EIF4G2: variants seen among roughly 807,000 people sequenced by gnomAD.
EIF4G2 encodes eukaryotic translation initiation factor 4 gamma 2, also known as DAP-5.
In EIF4G2, 8 loss-of-function variants were observed where a neutral mutation model predicts 117.7. The ratio of observed to expected loss-of-function variants is 0.07; its 90% CI spans 0.04 to 0.12. The LOEUF is 0.12. EIF4G2 is among the 10% of genes least tolerant of loss of function. The probability of loss-of-function intolerance (pLI) is 1.00; values close to 1 mark genes in which losing one functional copy is unlikely to be tolerated. For missense variants in EIF4G2, 812 were observed against 1,086.2 expected, an observed-to-expected ratio of 0.75 and a Z score of 3.55; for synonymous variants, 413 against 367.8, an observed-to-expected ratio of 1.12 and a Z score of -1.41.
chr11:10,799,372 A>G lies in EIF4G2; in HGVS notation c.2377T>C (p.Ser793Pro), dbSNP rs1847354933. 2 of 1,612,858 alleles carry G rather than the reference A, an allele frequency of 1.2e-6. No homozygotes were observed. The highest frequency in any genetic ancestry group is 2.2e-5 in the South Asian group (2 of 91,094). ...TGTTCTTTGGAAGGAGCAGAGGATG[A>G]ATCTGTTTCATCGCTGGGGGGGTTT... The change falls in exon 20 of 22, where the codon TCA (serine) becomes CCA (proline). Residue 793 changes from serine (S) to proline (P), a missense_variant. Transcript: ENST00000339995.
chr11:10,802,766 C>T (rs1178248589), intron 11 of EIF4G2, among the ~76,000 whole-genome samples: 1 of 152,142 alleles, frequency 6.6e-6, no homozygotes, highest in African/African-American at 2.4e-5. Flanking sequence ...ACTGGGGAGG[C>T]TGAAGCAGGA....
At chr11:10,800,383 G>T (rs374189706) in intron 17 of EIF4G2, 35 bp from the exon 18 acceptor site, 3 of 1,612,162 alleles carry the variant, frequency 1.9e-6, no homozygotes, top group Non-Finnish European at 2.5e-6. Flanking sequence ...ATCAGTTTTC[G>T]AATTTGAGTG....
chr11:10,799,958 A>C, intron 18 of EIF4G2, 132 bp downstream of exon 18: 1 of 1,163,504 alleles, frequency 8.6e-7, no homozygotes, highest in South Asian at 1.5e-5. Flanking sequence ...TATAGGTGAG[A>C]TCTGTGGTAA....
Position 10,799,129 on chromosome 11 carries a change from AAAAAG to A in EIF4G2, c.2537-21_2537-17del. 1 of 1,576,976 alleles carries A rather than the reference AAAAAG, an allele frequency of 6.3e-7. No individual in the cohort carries two copies. The highest frequency in any genetic ancestry group is 8.5e-7 in the Non-Finnish European group (1 of 1,170,156). On this transcript the variant is annotated splice_polypyrimidine_tract_variant and intron_variant, in intron 20 of 21. Coordinates refer to ENST00000339995, the MANE Select transcript of EIF4G2 (RefSeq NM_001418.4). ...AGTAACATGCCTTAAAAAAAAAAAA[AAAAAG>A]AAAAAAGTAATAAGCCCATTATTTA...
intron 1 of EIF4G2, 57 bp from the exon 2 acceptor site, chr11:10,807,438 T>G (rs1482845525): frequency 3.4e-6 from 5 of 1,480,558 alleles, no homozygotes; most frequent in Non-Finnish European, 4.5e-6. Context: ...TCTATAAGCC[T>G]TCATTCAATT....
At chr11:10,807,089 G>C (rs994465777) in intron 2 of EIF4G2, 166 bp downstream of exon 2, 1 of 1,199,606 alleles carries the variant, frequency 8.3e-7, no homozygotes. Context: ...GCAAATAATT[G>C]ATTTTATTTA....
Position 10,800,837 on chromosome 11 carries a change from T to TA in EIF4G2, c.1540-3dup, listed in dbSNP as rs1564981580. On this transcript the variant is annotated splice_polypyrimidine_tract_variant and splice_region_variant and intron_variant, in intron 15 of 21. Coordinates refer to ENST00000339995, the MANE Select transcript of EIF4G2 (RefSeq NM_001418.4). Reference sequence around the variant, plus strand: ...AGTTTTGAGACCAAGCTGAGGTGTCTAAAAAACAAGCAATGACAGACTTTT... The same window carrying TA: ...AGTTTTGAGACCAAGCTGAGGTGTCTAAAAAAACAAGCAATGACAGACTTTT... The TA allele has an allele frequency of 6.2e-7, 1 of 1,613,806 alleles. No individual in the cohort carries two copies. The highest frequency in any genetic ancestry group is 1.3e-5 in the African/African-American group (1 of 75,002).
In EIF4G2 at chr11:10,797,975, G is replaced by A. The variant is rs1213602772; in HGVS notation, c.2659-94C>T. The A allele has an allele frequency of 5.3e-6, 6 of 1,127,364 alleles. No homozygotes were observed. The highest frequency in any genetic ancestry group is 7.9e-6 in the Non-Finnish European group (6 of 760,114). The allele number at this position is 1,127,364 out of a possible 1,614,324, so 69.8% of individuals were successfully genotyped here. A position where few individuals can be genotyped will look rare whatever the true frequency, so the allele number is the denominator to read the frequency against. On this transcript the variant is annotated intron_variant, in intron 21 of 21. Coordinates refer to ENST00000339995, the MANE Select transcript of EIF4G2 (RefSeq NM_001418.4). This position sits in a 1 kb window ranked among gnomAD's most constrained non-coding sequence, Gnocchi z 4.5. ...GTGGTACTACACAGTTTTAGAATAT[G>A]AAACAAGGATATCCCTACCAACAAT...
In EIF4G2 at chr11:10,808,515, C is replaced by T. The variant is rs577096201; in HGVS notation, c.-87+190G>A. On this transcript the variant is annotated intron_variant, in intron 1 of 21. Transcript: ENST00000339995. ...CAACACTGACGTTTTCCTTCTACTC[C>T]GTCAGCAACAGGAAGAGAGAACAAA... The T allele has an allele frequency of 6.6e-6, 8 of 1,217,714 alleles. No homozygotes were observed. In the Admixed American group the frequency reaches 9.6e-5, roughly 15 times the overall value. 75.4% of individuals were successfully genotyped at this position (1,217,714 alleles called of 1,614,324 possible).
intron 14 of EIF4G2, 28 bp from the exon 15 acceptor site, chr11:10,801,115 A>T: frequency 1.2e-6 from 2 of 1,613,056 alleles, no homozygotes; most frequent in Non-Finnish European, 1.7e-6. Context: ...ATATATCTAA[A>T]TTAACAACAT....
chr11:10,803,693 C>A lies in EIF4G2; in HGVS notation c.703-103G>T. The A allele has an allele frequency of 8.4e-7, 1 of 1,196,724 alleles. No individual in the cohort carries two copies. The allele number at this position is 1,196,724 out of a possible 1,614,324, so 74.1% of individuals were successfully genotyped here. On this transcript the variant is annotated intron_variant, in intron 8 of 21. Transcript: ENST00000339995. This position sits in a 1 kb window ranked among gnomAD's most constrained non-coding sequence, Gnocchi z 4.0. Reference sequence around the variant, plus strand: ...TGCACTGACTCATTCACAGTTCCTACAGAATCTAGTATAGGGCTTTCTACC... The same window carrying A: ...TGCACTGACTCATTCACAGTTCCTAAAGAATCTAGTATAGGGCTTTCTACC...
At position 10,800,313 on chromosome 11, in the gene EIF4G2, C is replaced by G. The variant is rs1847381243; in HGVS notation, c.1896G>C (p.Leu632=). The G allele has an allele frequency of 1.2e-6, 2 of 1,614,162 alleles. No individual in the cohort carries two copies. Among genetic ancestry groups the G allele is most frequent in the Non-Finnish European group, 1.7e-6 (2 of 1,180,020 alleles). Residue 632 remains leucine (L), a synonymous_variant, in exon 18 of 22, where the codon CTG becomes CTC. Coordinates refer to ENST00000339995, the MANE Select transcript of EIF4G2 (RefSeq NM_001418.4). ...ATTTCACCAAAGGGATGTCAACCTC[C>G]AGTTTGGGACACTGGTCCAATACAT...
Position 10,807,398 on chromosome 11 carries a change from C to G in EIF4G2, c.-86-17G>C. On this transcript the variant is annotated splice_polypyrimidine_tract_variant and intron_variant, in intron 1 of 21. Coordinates refer to ENST00000339995, the MANE Select transcript of EIF4G2 (RefSeq NM_001418.4). ...ATGAAATACCTGGAACGAGAAAGAG[C>G]ACCAAAATTAGACACTGCTAACATA... 6.3e-7 allele frequency: 1 copy of G among 1,586,836 alleles called. No individual in the cohort carries two copies. The highest frequency in any genetic ancestry group is 1.4e-5 in the African/African-American group (1 of 73,772).
Position 10,804,279 on chromosome 11 carries a change from C to A in EIF4G2, c.483+8G>T, listed in dbSNP as rs749135807. 2.5e-6 allele frequency: 4 copies of A among 1,613,266 alleles called. No individual in the cohort carries two copies. The highest frequency in any genetic ancestry group is 3.4e-6 in the Non-Finnish European group (4 of 1,179,584). On this transcript the variant is annotated splice_region_variant and intron_variant, in intron 6 of 21. Transcript: ENST00000339995. ...CTTTAAAACAAGCAAACAAAAACTA[C>A]CACTTACGGTGCTTTGCTTCTGTCC...
At chr11:10,806,692 T>C (rs1847581205) in intron 3 of EIF4G2, 128 bp downstream of exon 3, 1 of 965,368 alleles carries the variant, frequency 1.0e-6, no homozygotes, top group South Asian at 1.6e-5. Context: ...GTATTTAGGA[T>C]ACCCAACAGA....
chr11:10,808,387 G>C (rs898851563), intron 1 of EIF4G2: 13 of 1,244,844 alleles, frequency 1.0e-5, no homozygotes, highest in Non-Finnish European at 1.2e-5. Context: ...CTAGCGGTCC[G>C]AGCCACGCTC....
Position 10,806,145 on chromosome 11 carries a change from G to A in EIF4G2, c.108-98C>T, listed in dbSNP as rs557858910. ...AGAAAAAAGTAATTTAGGCTTTCTC[G>A]ACTTCCCCTCCAAGAAAGCCAACTC... On this transcript the variant is annotated intron_variant, in intron 3 of 21. Transcript: ENST00000339995. 2.4e-5 allele frequency: 36 copies of A among 1,521,782 alleles called. No homozygotes were observed. The South Asian group carries it at 3.4e-4, about 15-fold the overall frequency. 94.3% of individuals were successfully genotyped at this position (1,521,782 alleles called of 1,614,324 possible).
At position 10,799,199 on chromosome 11, in the gene EIF4G2, A is replaced by G. The variant is rs752826520; in HGVS notation, c.2536+14T>C. 3.7e-6 allele frequency: 6 copies of G among 1,613,768 alleles called. No individual in the cohort carries two copies. The highest frequency in any genetic ancestry group is 4.2e-6 in the Non-Finnish European group (5 of 1,179,792). On this transcript the variant is annotated intron_variant, in intron 20 of 21. Coordinates refer to ENST00000339995, the MANE Select transcript of EIF4G2 (RefSeq NM_001418.4). ...AACTTCCTCACGCCGTTCTTCTGAT[A>G]CAAGTCCTCTCACCTTTTGGGAAGT...
At chr11:10,800,924 G>T (rs1224637973) in intron 15 of EIF4G2, 38 bp downstream of exon 15, 9 of 1,612,600 alleles carry the variant, frequency 5.6e-6, no homozygotes, top group Non-Finnish European at 2.5e-6. Flanking sequence ...AAAGTCTTCA[G>T]ATATCTTTAG....
Sources: allele counts gnomAD v4.1 joint callset (sites outside exome capture counted in the v4.1 genomes callset), GRCh38; gene constraint gnomAD v4.1.1; non-coding constraint Gnocchi (gnomAD v3.1); transcripts MANE v1.5; gene names NCBI Gene and HGNC (gene_info 2026-07-23, HGNC 2026-07-21).